Variants in CCDC40 observed in about 807,000 individuals in gnomAD.
CCDC40 encodes the protein coiled-coil domain-containing protein 40.
In CCDC40, 104 loss-of-function variants were observed where a neutral mutation model predicts 124.5. The ratio of observed to expected loss-of-function variants is 0.84; its 90% confidence interval spans 0.71 to 0.98. The LOEUF is 0.98. Ranked by LOEUF, CCDC40 falls within the 50% of genes least tolerant of loss-of-function variation. The probability of loss-of-function intolerance (pLI) is 0.00; values close to 1 mark genes in which losing one functional copy is unlikely to be tolerated. For synonymous variants in CCDC40, 580 were observed against 602.9 expected (o/e 0.96, Z 0.56); for missense variants, 1,463 against 1,503.9 (o/e 0.97, Z 0.45).
rs779950463 is a variant in CCDC40 at position 80,099,574 on chromosome 17, G to T, written c.3228G>T (p.Gln1076His). The change falls in exon 20 of 20, where the codon CAG becomes CAT. Residue 1076 changes from glutamine (Q) to histidine (H), a missense_variant. Gln to His is a conservative substitution (Grantham distance 24, BLOSUM62 0). Coordinates refer to ENST00000397545, the MANE Select transcript of CCDC40 (RefSeq NM_017950.4). ...VALQTRLKHL[Q>H]AVKEGRYVFL... ...TGCAGACACGCCTTAAGCACCTGCA[G>T]GCTGTGAAGGAGGGGCGCTACGTGT... The T allele has an allele frequency of 3.1e-6, 5 of 1,613,276 alleles. No homozygotes were observed. In the Admixed American group the frequency reaches 6.7e-5, roughly 21 times the overall value.
At chr17:80,085,601 C>G (rs1473122491) in intron 13 of CCDC40, among the ~76,000 whole-genome samples, 1 of 152,018 alleles carries the variant, frequency 6.6e-6, no homozygotes, top group Non-Finnish European at 1.5e-5. Flanking sequence ...GTTTCATGAC[C>G]TCAGGGTTCC....
intron 17 of CCDC40, among the ~76,000 whole-genome samples, chr17:80,091,675 C>A (rs576069157): frequency 6.6e-6 from 1 of 152,346 alleles, no homozygotes; most frequent in East Asian, 1.9e-4. Context: ...AAACAGAAAT[C>A]ATGTTTTTCC....
chr17:80,080,697 A>T (rs543133565), intron 10 of CCDC40, among the ~76,000 whole-genome samples: 53 of 152,318 alleles, frequency 3.5e-4, no homozygotes, highest in African/African-American at 1.2e-3. Flanking sequence ...CCCATGCGTC[A>T]CTTTCCTTCT....
chr17:80,045,229 A>G (rs115759834), intron 3 of CCDC40, among the ~76,000 whole-genome samples: 1,803 of 152,270 alleles, frequency 0.012, 45 homozygotes, highest in African/African-American at 0.042. Context: ...CTGCTTTACT[A>G]TGGAGAACAG....
intron 10 of CCDC40, among the ~76,000 whole-genome samples, chr17:80,078,766 T>C (rs910686161): frequency 6.6e-6 from 1 of 152,192 alleles, no homozygotes. Context: ...CCTTTAGGTT[T>C]CCATTTAAAT....
intron 4 of CCDC40, among the ~76,000 whole-genome samples, chr17:80,047,779 C>T (rs1227479475): frequency 6.6e-6 from 1 of 152,112 alleles, no homozygotes; most frequent in African/African-American, 2.4e-5. Context: ...GCCGTGACAG[C>T]AACCCCAGGC....
At chr17:80,053,227 C>T (rs1045975333) in intron 7 of CCDC40, among the ~76,000 whole-genome samples, 3 of 152,202 alleles carry the variant, frequency 2.0e-5, no homozygotes, top group East Asian at 1.9e-4. Flanking sequence ...AATAAACCTC[C>T]GCAGACATAG....
At chr17:80,056,711 AAAGG>A (rs1239452152) in intron 7 of CCDC40, among the ~76,000 whole-genome samples, 1 of 152,114 alleles carries the variant, frequency 6.6e-6, no homozygotes, top group Non-Finnish European at 1.5e-5. Context: ...ACAATTTTGA[AAAGG>A]AAGGATAATG....
In CCDC40 at chr17:80,087,929, G is replaced by C; in HGVS notation, c.2620-82G>C. On this transcript the variant is annotated intron_variant, in intron 15 of 19. Transcript: ENST00000397545. This position sits in a 1 kb window ranked among gnomAD's most constrained non-coding sequence, Gnocchi z 4.5. ...AATCCAGCCTGCAGCCCTGCCCTCG[G>C]TGCCGGGATAGAGGGCACCAGCCCC... The C allele has an allele frequency of 7.6e-7, 1 of 1,307,614 alleles. No homozygotes were observed. Among genetic ancestry groups the C allele is most frequent in the Non-Finnish European group, 1.1e-6 (1 of 901,706 alleles). The allele number at this position is 1,307,614 out of a possible 1,614,324, so 81.0% of individuals were successfully genotyped here.
Position 80,087,825 on chromosome 17 carries a change from G to T in CCDC40, c.2619+49G>T, listed in dbSNP as rs374255268. On this transcript the variant is annotated intron_variant, in intron 15 of 19. Transcript: ENST00000397545. This position sits in a 1 kb window ranked among gnomAD's most constrained non-coding sequence, Gnocchi z 4.5. ...CGGGGCTCAGGACGATGGAGGGCGG[G>T]GGTACGGTCCTTGCGGTGGGCGTTC... 1.9e-6 allele frequency: 3 copies of T among 1,573,402 alleles called. No homozygotes were observed. In the East Asian group the frequency reaches 6.7e-5, roughly 35 times the overall value.
intron 1 of CCDC40, 44 bp from the exon 2 acceptor site, chr17:80,038,075 AAAAG>A (rs775102898): frequency 4.5e-6 from 6 of 1,333,188 alleles, no homozygotes; most frequent in Non-Finnish European, 5.4e-6. Flanking sequence ...AGGACCAAGA[AAAAG>A]AAAGCTGTTG....
intron 19 of CCDC40, chr17:80,097,666 C>T (rs1383671545): frequency 3.9e-6 from 2 of 514,396 alleles, no homozygotes; most frequent in Non-Finnish European, 7.1e-6. Flanking sequence ...ACACAAAAAA[C>T]AAACATTCCT....
intron 13 of CCDC40, 56 bp downstream of exon 13, chr17:80,085,044 C>T: frequency 6.2e-7 from 1 of 1,600,126 alleles, no homozygotes; most frequent in Non-Finnish European, 8.5e-7. Flanking sequence ...CCTGGTGGGG[C>T]AGAGCCCCCT....
Position 80,058,535 on chromosome 17 carries a change from C to G in CCDC40, c.1201C>G (p.Leu401Val), listed in dbSNP as rs201126001. Residue 401 changes from leucine to valine, a missense_variant, in exon 8 of 20, where the codon CTC becomes GTC. Physicochemically the swap from Leu to Val is conservative, Grantham distance 32. Coordinates refer to ENST00000397545, the MANE Select transcript of CCDC40 (RefSeq NM_017950.4). This position sits in a 1 kb window ranked among gnomAD's most constrained non-coding sequence, Gnocchi z 4.2. Reference sequence around the variant, plus strand: ...TGAGATGGAGAACTTGGCCCTGCATCTCTTCTACATGCAGAACATCGACCA... The same window carrying G: ...TGAGATGGAGAACTTGGCCCTGCATGTCTTCTACATGCAGAACATCGACCA... ...QTEMENLALH[L>V]FYMQNIDQDM... The G allele has an allele frequency of 1.3e-4, 206 of 1,614,096 alleles. No individual in the cohort carries two copies. The African/African-American group carries it at 2.5e-3, about 20-fold the overall frequency.
At chr17:80,079,137 A>T (rs1387072483) in intron 10 of CCDC40, among the ~76,000 whole-genome samples, 3 of 151,990 alleles carry the variant, frequency 2.0e-5, no homozygotes, top group African/African-American at 7.2e-5. Context: ...GGGTTTTGTC[A>T]TGTGGGCCAG....
In CCDC40 at chr17:80,088,007, G is replaced by A; in HGVS notation, c.2620-4G>A. The A allele has an allele frequency of 2.5e-6, 4 of 1,587,454 alleles. No homozygotes were observed. The highest frequency in any genetic ancestry group is 3.5e-6 in the Non-Finnish European group (4 of 1,155,982). On this transcript the variant is annotated splice_region_variant and splice_polypyrimidine_tract_variant and intron_variant, in intron 15 of 19. Transcript: ENST00000397545. The stretch of plus-strand genomic sequence containing the variant: ...ACAGCTGTCCCGCCCCCTCCCCCAT[G>A]CAGGCCTCTGAGAGGGAGACCATCA...
intron 9 of CCDC40, among the ~76,000 whole-genome samples, chr17:80,064,903 C>G (rs1230091917): frequency 2.0e-5 from 3 of 152,056 alleles, no homozygotes; most frequent in African/African-American, 7.2e-5. Context: ...CATGGCCTCC[C>G]TACAGGAAGC....
chr17:80,052,087 G>A (rs537759403), intron 7 of CCDC40, among the ~76,000 whole-genome samples: 9 of 152,372 alleles, frequency 5.9e-5, no homozygotes, highest in African/African-American at 9.6e-5. Flanking sequence ...TAGGTGAGAC[G>A]TGGGTCCTGG....
In CCDC40 at chr17:80,088,027, C is replaced by A; in HGVS notation, c.2636C>A (p.Thr879Asn). The A allele has an allele frequency of 6.2e-7, 1 of 1,612,522 alleles. No homozygotes were observed. The highest frequency in any genetic ancestry group is 2.2e-5 in the East Asian group (1 of 44,846). ...CCCATGCAGGCCTCTGAGAGGGAGACCATCAAGATGCAGGACAAGCTGAAC... is the reference window on the plus strand; with the variant it reads ...CCCATGCAGGCCTCTGAGAGGGAGAACATCAAGATGCAGGACAAGCTGAAC... ...VRSLKASERETIKMQDKLNQL... is the reference protein window; with the variant it reads ...VRSLKASERENIKMQDKLNQL... Residue 879 changes from threonine (T) to asparagine (N), a missense_variant, in exon 16 of 20, where the codon ACC becomes AAC. Thr to Asn is a moderately conservative substitution (Grantham distance 65, BLOSUM62 0). Transcript: ENST00000397545.
Sources: allele counts gnomAD v4.1 joint callset (sites outside exome capture counted in the v4.1 genomes callset), GRCh38; gene constraint gnomAD v4.1.1; non-coding constraint Gnocchi (gnomAD v3.1); transcripts MANE v1.5; gene names NCBI Gene and HGNC (gene_info 2026-07-23, HGNC 2026-07-21).